KIF26B: variants seen among roughly 807,000 people sequenced by gnomAD.
KIF26B encodes kinesin-like protein KIF26B.
Under a neutral mutation model 151.2 loss-of-function variants are expected in KIF26B, and 63 were observed. The observed-to-expected ratio is 0.42, with a 90% confidence interval of 0.34 to 0.51. The LOEUF (loss-of-function observed/expected upper bound fraction) is 0.51. Ranked by LOEUF, KIF26B falls within the 20% of genes least tolerant of loss-of-function variation. The pLI is 0.07. For synonymous variants in KIF26B, 1,357 were observed against 1,262.1 expected (o/e 1.08, Z -1.59); for missense variants, 2,813 against 2,913.6 (o/e 0.97, Z 0.79).
At chr1:245,209,882 C>T (rs1026585499) in intron 2 of KIF26B, among the ~76,000 whole-genome samples, 3 of 152,208 alleles carry the variant, frequency 2.0e-5, no homozygotes, top group Admixed American at 6.5e-5. Flanking sequence ...GCGGGTGGCA[C>T]GCTCGGCGTG....
At chr1:245,208,095 A>T (rs1490736778) in intron 2 of KIF26B, among the ~76,000 whole-genome samples, 2 of 152,172 alleles carry the variant, frequency 1.3e-5, no homozygotes, top group Non-Finnish European at 2.9e-5. Context: ...GGCTCCTCAA[A>T]TCCGAATCTG....
At chr1:245,243,467 C>T (rs570098749) in intron 2 of KIF26B, among the ~76,000 whole-genome samples, 5,627 of 151,352 alleles carry the variant, frequency 0.037, 133 homozygotes, top group Non-Finnish European at 0.042. Flanking sequence ...CACACACACA[C>T]ACACATATAT....
chr1:245,343,313 T>C (rs949551092), intron 2 of KIF26B, among the ~76,000 whole-genome samples: 2 of 152,136 alleles, frequency 1.3e-5, no homozygotes, highest in Non-Finnish European at 2.9e-5. Context: ...GGCCACCTCA[T>C]GCCTTTAATA....
rs1283025935 is a variant in KIF26B at position 245,688,015 on chromosome 1, G to A, written c.5032G>A (p.Glu1678Lys). 7.0e-6 allele frequency: 11 copies of A among 1,562,712 alleles called. No individual in the cohort carries two copies. The highest frequency in any genetic ancestry group is 9.5e-6 in the Non-Finnish European group (11 of 1,154,838). ...GGGCAGGGCGACAGTCAGCCACTAC[G>A]AATGCCTCTCCCTGGAGCGGGCCGA... ...SLGRATVSHY[E>K]CLSLERAESL... Residue 1678 changes from glutamate (E) to lysine (K), a missense_variant, in exon 12 of 15, where the codon GAA (glutamate) becomes AAA (lysine). Physicochemically the swap from Glu to Lys is moderately conservative, Grantham distance 56. Around this residue, in one of 3 missense-constraint regions of KIF26B, gnomAD observed 2,060 missense variants for 2,088.6 expected, o/e 0.99. Coordinates refer to ENST00000407071, the MANE Select transcript of KIF26B (RefSeq NM_018012.4).
intron 2 of KIF26B, among the ~76,000 whole-genome samples, chr1:245,180,838 G>GT (rs1303323626): frequency 1.1e-4 from 17 of 152,056 alleles, no homozygotes; most frequent in Admixed American, 4.6e-4. Context: ...GATTCTTTTT[G>GT]TTTTTTTCTT....
At chr1:245,590,582 G>A (rs1386168075) in intron 5 of KIF26B, among the ~76,000 whole-genome samples, 1 of 152,092 alleles carries the variant, frequency 6.6e-6, no homozygotes, top group East Asian at 1.9e-4. Flanking sequence ...GGTGGAAGTT[G>A]GAAGACCTTA....
intron 2 of KIF26B, among the ~76,000 whole-genome samples, chr1:245,189,903 A>G (rs1669068482): frequency 6.6e-6 from 1 of 152,218 alleles, no homozygotes; most frequent in Non-Finnish European, 1.5e-5. Context: ...GGTGGCAGAC[A>G]AGAGAGAAAG....
intron 2 of KIF26B, among the ~76,000 whole-genome samples, chr1:245,214,406 C>T (rs1669602205): frequency 6.6e-6 from 1 of 151,684 alleles, no homozygotes; most frequent in South Asian, 2.1e-4. Context: ...ATCATAAACT[C>T]TGTCAGAAAT....
chr1:245,644,829 C>A (rs895832352), intron 9 of KIF26B, among the ~76,000 whole-genome samples: 1 of 152,126 alleles, frequency 6.6e-6, no homozygotes, highest in African/African-American at 2.4e-5. Flanking sequence ...GTCCCTTTTG[C>A]ATTGCTGTAA....
intron 2 of KIF26B, among the ~76,000 whole-genome samples, chr1:245,259,325 A>G (rs2103569119): frequency 6.6e-6 from 1 of 152,248 alleles, no homozygotes; most frequent in East Asian, 1.9e-4. Context: ...GTCTTATCTC[A>G]CTGGCCTCCC....
chr1:245,622,927 A>T (rs1357283925), intron 9 of KIF26B, among the ~76,000 whole-genome samples: 1 of 150,578 alleles, frequency 6.6e-6, no homozygotes, highest in East Asian at 2.0e-4. Flanking sequence ...TGCTTCGTGG[A>T]GCTGATGGAG....
rs763545363 is a variant in KIF26B at position 245,540,710 on chromosome 1, C to G, written c.1167-57C>G. On this transcript the variant is annotated intron_variant, in intron 4 of 14. Coordinates refer to ENST00000407071, the MANE Select transcript of KIF26B (RefSeq NM_018012.4). The surrounding 1 kb of genome is among the most constrained non-coding windows in gnomAD (Gnocchi z 4.6). ...GTTGTTTAAGAGAAAACGAAGTAAG[C>G]CTAGCAGATCTGATCGTACAATCAT... is the stretch of plus-strand genomic sequence containing the variant. The G allele has an allele frequency of 3.4e-6, 5 of 1,474,260 alleles. No homozygotes were observed. In the South Asian group the frequency reaches 5.7e-5, roughly 17 times the overall value. 91.3% of individuals were successfully genotyped at this position (1,474,260 alleles called of 1,614,324 possible). A position where few individuals can be genotyped will look rare whatever the true frequency, so the allele number is the denominator to read the frequency against.
At chr1:245,461,112 A>G (rs1659637341) in intron 4 of KIF26B, among the ~76,000 whole-genome samples, 1 of 152,106 alleles carries the variant, frequency 6.6e-6, no homozygotes, top group African/African-American at 2.4e-5. Context: ...TGAGGACATG[A>G]AGCCTCTGAT....
intron 2 of KIF26B, among the ~76,000 whole-genome samples, chr1:245,365,927 G>T (rs967986343): frequency 9.2e-5 from 14 of 152,202 alleles, no homozygotes; most frequent in Non-Finnish European, 1.5e-4. Flanking sequence ...TTGTTTCTCT[G>T]TGTAATCCTA....
At chr1:245,431,591 A>G (rs1284502579) in intron 4 of KIF26B, among the ~76,000 whole-genome samples, 1 of 151,878 alleles carries the variant, frequency 6.6e-6, no homozygotes, top group Non-Finnish European at 1.5e-5. Flanking sequence ...TGATCTACCC[A>G]CCTCAGCCTC....
chr1:245,303,268 G>T (rs1031134117), intron 2 of KIF26B, among the ~76,000 whole-genome samples: 6 of 141,128 alleles, frequency 4.3e-5, no homozygotes, highest in Non-Finnish European at 9.0e-5. Flanking sequence ...GCGCGATCTC[G>T]GCTCACTGCA....
In KIF26B at chr1:245,227,725, G is replaced by T. The variant is rs1033244010; in HGVS notation, c.465+71042G>T. Among the ~76,000 whole-genome samples, 4 of 152,190 alleles carry T rather than the reference G, an allele frequency of 2.6e-5. No homozygotes were observed. The highest frequency in any genetic ancestry group is 9.7e-5 in the African/African-American group (4 of 41,444). ...CATTAAAAAAACACTCTGAGGCTGG[G>T]TGTGGTGGCTCACGCCTGTGATTCC... On this transcript the variant is annotated intron_variant, in intron 2 of 14. Coordinates refer to ENST00000407071, the MANE Select transcript of KIF26B (RefSeq NM_018012.4). This position sits in a 1 kb window ranked among gnomAD's most constrained non-coding sequence, Gnocchi z 4.1.
intron 4 of KIF26B, among the ~76,000 whole-genome samples, chr1:245,440,119 G>A (rs1659037884): frequency 6.6e-6 from 1 of 152,138 alleles, no homozygotes; most frequent in African/African-American, 2.4e-5. Context: ...TACTCGGGAG[G>A]CTGAGGCAGG....
At chr1:245,640,568 A>T (rs1209097393) in intron 9 of KIF26B, among the ~76,000 whole-genome samples, 1 of 151,824 alleles carries the variant, frequency 6.6e-6, no homozygotes. Context: ...CTTATTTTCT[A>T]GTTGTTATAT....
Sources: gnomAD v4.1 joint callset for allele counts (sites outside exome capture counted in the v4.1 genomes callset) on GRCh38, gnomAD v4.1.1 for gene constraint, gnomAD v4.1.1 regional missense constraint, Gnocchi (gnomAD v3.1) non-coding constraint, MANE v1.5 for transcripts, NCBI Gene and HGNC (gene_info 2026-07-23, HGNC 2026-07-21) for gene names.